The following RFX3 variants were observed in gnomAD, a reference collection of about 807,000 sequenced individuals.
RFX3 encodes transcription factor RFX3.
RFX3 carries 14 observed loss-of-function variants against 98.6 expected under a neutral mutation model. The observed-to-expected ratio is 0.14, with a 90% CI of 0.09 to 0.22. The LOEUF (loss-of-function observed/expected upper bound fraction) is 0.22, where lower values mean the gene tolerates loss of function less well. RFX3 is among the 10% of genes least tolerant of loss of function. The pLI is 1.00. For missense variants in RFX3, 639 were observed against 926.9 expected (o/e 0.69, Z 4.03); for synonymous variants, 383 against 328.4 (o/e 1.17, Z -1.80).
chr9:3,251,436 C>G (rs1291055265), intron 14 of RFX3, among the ~76,000 whole-genome samples: 2 of 151,850 alleles, frequency 1.3e-5, no homozygotes, highest in Non-Finnish European at 2.9e-5. Flanking sequence ...CAGCATTGAA[C>G]TCCTGGGTTC....
At chr9:3,513,078 G>A (rs751399268) in intron 1 of RFX3, among the ~76,000 whole-genome samples, 4 of 151,812 alleles carry the variant, frequency 2.6e-5, no homozygotes, top group Non-Finnish European at 5.9e-5. Flanking sequence ...AAGTCATTTC[G>A]GGATTCCTAC....
At chr9:3,440,675 T>C (rs1346691437) in intron 1 of RFX3, among the ~76,000 whole-genome samples, 1 of 152,134 alleles carries the variant, frequency 6.6e-6, no homozygotes, top group African/African-American at 2.4e-5. Context: ...CATTTAAAGA[T>C]CTAATGCAAT....
At chr9:3,496,498 T>C (rs1426599451) in intron 1 of RFX3, among the ~76,000 whole-genome samples, 1 of 152,036 alleles carries the variant, frequency 6.6e-6, no homozygotes, top group Non-Finnish European at 1.5e-5. Flanking sequence ...TACCCTCTCC[T>C]GCAAAACTCT....
At chr9:3,478,693 G>A (rs2133328243) in intron 1 of RFX3, among the ~76,000 whole-genome samples, 2 of 152,188 alleles carry the variant, frequency 1.3e-5, no homozygotes, top group Admixed American at 1.3e-4. Context: ...TCATTTCCGG[G>A]CATGTGTACA....
At chr9:3,249,366 T>C (rs913995137) in intron 14 of RFX3, among the ~76,000 whole-genome samples, 1 of 152,190 alleles carries the variant, frequency 6.6e-6, no homozygotes, top group East Asian at 1.9e-4. Flanking sequence ...TGTCTCTTCA[T>C]TGACTGTTGA....
chr9:3,519,423 A>C lies in RFX3; in HGVS notation c.-9+6324T>G, dbSNP rs144803177. On this transcript the variant is annotated intron_variant, in intron 1 of 16. Coordinates refer to ENST00000617270, the MANE Select transcript of RFX3 (RefSeq NM_001282116.2). Reference sequence around the variant, plus strand: ...CAAAACTTTTTGGGCTCATTAAAAAAGGGATGGTCAAAGGATTCTTAGGTA... The same window carrying C: ...CAAAACTTTTTGGGCTCATTAAAAACGGGATGGTCAAAGGATTCTTAGGTA... 7.1e-4 allele frequency among the ~76,000 whole-genome samples: 108 copies of C among 152,372 alleles called. 2 individuals carry two copies. The East Asian group carries it at 0.021, about 29-fold the overall frequency.
In RFX3 at chr9:3,399,513, A is replaced by G. The variant is rs1379073500; in HGVS notation, c.-8-3917T>C. On this transcript the variant is annotated intron_variant, in intron 1 of 16. Transcript: ENST00000617270. ...AACATCTGAAAATTTTAAAGAGGTG[A>G]GCACATATTATGTGTTCTATAGGCA... Among the ~76,000 whole-genome samples the G allele has an allele frequency of 2.6e-5, 4 of 152,258 alleles. No individual in the cohort carries two copies. The East Asian group carries it at 5.8e-4, about 22-fold the overall frequency.
intron 1 of RFX3, among the ~76,000 whole-genome samples, chr9:3,514,527 T>C (rs1045515855): frequency 6.6e-6 from 1 of 152,166 alleles, no homozygotes; most frequent in African/African-American, 2.4e-5. Context: ...GTCTACAGCC[T>C]CCAGCCTCCA....
At chr9:3,507,839 C>T (rs181136873) in intron 1 of RFX3, among the ~76,000 whole-genome samples, 50 of 151,826 alleles carry the variant, frequency 3.3e-4, no homozygotes, top group African/African-American at 1.1e-3. Context: ...GTTTCCCATC[C>T]TCAGCTGGTT....
chr9:3,455,198 C>G (rs1847038117), intron 1 of RFX3, among the ~76,000 whole-genome samples: 1 of 152,190 alleles, frequency 6.6e-6, no homozygotes, highest in Non-Finnish European at 1.5e-5. Context: ...TTACCAAGGT[C>G]TTTAAAGGCT....
chr9:3,242,268 G>C (rs1820039392), intron 15 of RFX3, among the ~76,000 whole-genome samples: 1 of 152,148 alleles, frequency 6.6e-6, no homozygotes, highest in Non-Finnish European at 1.5e-5. Context: ...ATCTAGAATA[G>C]GGATTGGCAC....
chr9:3,316,239 G>A (rs542004190), intron 4 of RFX3, among the ~76,000 whole-genome samples: 2 of 152,012 alleles, frequency 1.3e-5, no homozygotes, highest in African/African-American at 2.4e-5. Flanking sequence ...ATCAATAAAC[G>A]TAATCCAGCA....
At chr9:3,297,573 G>A (rs1828145432) in intron 5 of RFX3, among the ~76,000 whole-genome samples, 1 of 151,778 alleles carries the variant, frequency 6.6e-6, no homozygotes, top group Admixed American at 6.6e-5. Context: ...TTTCCCAGAT[G>A]GATTATTACC....
At chr9:3,432,473 G>C (rs1387383485) in intron 1 of RFX3, among the ~76,000 whole-genome samples, 2 of 152,096 alleles carry the variant, frequency 1.3e-5, no homozygotes, top group African/African-American at 4.8e-5. Context: ...AGCTATCAAA[G>C]CCCAAACCAT....
chr9:3,390,846 T>C (rs1840241802), intron 2 of RFX3, among the ~76,000 whole-genome samples: 1 of 152,158 alleles, frequency 6.6e-6, no homozygotes, highest in Non-Finnish European at 1.5e-5. Context: ...AATTACCCAG[T>C]CTCATGTATG....
At chr9:3,324,160 C>A in intron 4 of RFX3, 2 of 281,670 alleles carry the variant, frequency 7.1e-6, no homozygotes, top group Admixed American at 3.4e-5. Flanking sequence ...CATGTTCCTG[C>A]CAAAATAAGT....
chr9:3,342,830 G>T (rs913229852), intron 3 of RFX3, among the ~76,000 whole-genome samples: 7 of 152,132 alleles, frequency 4.6e-5, no homozygotes, highest in Non-Finnish European at 7.4e-5. Flanking sequence ...TCAAGCCTTT[G>T]GGAAATCTTG....
intron 5 of RFX3, among the ~76,000 whole-genome samples, chr9:3,298,907 T>G (rs1265781143): frequency 6.6e-6 from 1 of 151,768 alleles, no homozygotes; most frequent in Non-Finnish European, 1.5e-5. Flanking sequence ...AAAGTCATGA[T>G]TAACACCTCT....
chr9:3,484,575 G>C (rs529313535), intron 1 of RFX3, among the ~76,000 whole-genome samples: 1 of 152,298 alleles, frequency 6.6e-6, no homozygotes, highest in Admixed American at 6.5e-5. Flanking sequence ...TGATAGATGG[G>C]AGTTTCTCCA....
Sources: allele counts gnomAD v4.1 joint callset (sites outside exome capture counted in the v4.1 genomes callset), GRCh38; gene constraint gnomAD v4.1.1; transcripts MANE v1.5; gene names NCBI Gene and HGNC (gene_info 2026-07-23, HGNC 2026-07-21).